Variants in SLC26A3 observed in about 807,000 individuals in gnomAD.
The protein encoded by SLC26A3 is solute carrier family 26 member 3.
A neutral mutation model predicts 85.6 loss-of-function variants in SLC26A3; 64 were observed. The observed-to-expected ratio is 0.75, with a 90% CI of 0.61 to 0.92. SLC26A3 has a LOEUF of 0.92. Ranked by LOEUF, SLC26A3 falls within the 40% of genes least tolerant of loss-of-function variation. SLC26A3 has a pLI of 0.00. For synonymous variants in SLC26A3, 349 were observed against 336.0 expected (o/e 1.04, Z -0.42); for missense variants, 922 against 927.3 (o/e 0.99, Z 0.07).
intron 1 of SLC26A3, among the ~76,000 whole-genome samples, chr7:107,798,978 G>C (rs1386886611): frequency 6.6e-6 from 1 of 152,174 alleles, no homozygotes; most frequent in East Asian, 1.9e-4. Context: ...AGCACCTTCA[G>C]AGGGATCTCC....
intron 1 of SLC26A3, among the ~76,000 whole-genome samples, chr7:107,802,597 G>T (rs1437738938): frequency 6.6e-6 from 1 of 151,824 alleles, no homozygotes. Flanking sequence ...CAAACTCTTG[G>T]GCTAAGCTAT....
chr7:107,798,177 GACATTCATAT>G (rs2115903164), intron 1 of SLC26A3, among the ~76,000 whole-genome samples: 1 of 151,226 alleles, frequency 6.6e-6, no homozygotes, highest in Non-Finnish European at 1.5e-5. Flanking sequence ...CACACATGAA[GACATTCATAT>G]ACCTACATAT....
At position 107,786,836 on chromosome 7, in the gene SLC26A3, A is replaced by G. The variant is rs1389726896; in HGVS notation, c.962T>C (p.Met321Thr). 1.2e-6 allele frequency: 2 copies of G among 1,613,458 alleles called. No individual in the cohort carries two copies. The highest frequency in any genetic ancestry group is 1.7e-6 in the Non-Finnish European group (2 of 1,179,548). ...NRFKVAVVGD[M>T]NPGFQPPITP... is the part of the protein sequence containing the mutation. ...TCGAAGACACACTTACCCAGGATTCATGTCCCCAACCACAGCCACTTTAAA... is the reference window on the plus strand; with the variant it reads ...TCGAAGACACACTTACCCAGGATTCGTGTCCCCAACCACAGCCACTTTAAA... Residue 321 changes from methionine to threonine, a missense_variant, in exon 8 of 21, where the codon ATG becomes ACG. Coordinates refer to ENST00000340010, the MANE Select transcript of SLC26A3 (RefSeq NM_000111.3).
intron 6 of SLC26A3, among the ~76,000 whole-genome samples, chr7:107,787,766 CTT>C (rs1584409381): frequency 6.6e-6 from 1 of 152,152 alleles, no homozygotes; most frequent in East Asian, 1.9e-4. Context: ...CTGGGAATCT[CTT>C]TGGCTAGTGT....
At chr7:107,797,860 A>G (rs10248785) in intron 1 of SLC26A3, among the ~76,000 whole-genome samples, 60,211 of 151,130 alleles carry the variant, frequency 0.4, 12,344 homozygotes, top group African/African-American at 0.45. Context: ...TCACCTGAAC[A>G]AGTTACATTT....
At chr7:107,776,875 T>A in intron 13 of SLC26A3, 169 bp from the exon 14 acceptor site, 1 of 681,924 alleles carries the variant, frequency 1.5e-6, no homozygotes, top group South Asian at 1.6e-5. Context: ...TTGTTTTACT[T>A]ATCTTTGTGT....
intron 11 of SLC26A3, among the ~76,000 whole-genome samples, chr7:107,781,805 G>C (rs563003721): frequency 6.6e-6 from 1 of 152,198 alleles, no homozygotes; most frequent in South Asian, 2.1e-4. Flanking sequence ...AAAAGGCCTA[G>C]GTAACAGCCA....
intron 1 of SLC26A3, among the ~76,000 whole-genome samples, chr7:107,797,500 T>TAGA (rs1562883163): frequency 6.6e-6 from 1 of 150,652 alleles, no homozygotes; most frequent in Non-Finnish European, 1.5e-5. Flanking sequence ...TCTCAAAAAA[T>TAGA]AAAGAAAAGA....
intron 8 of SLC26A3, 116 bp downstream of exon 8, chr7:107,786,711 G>A (rs1464675081): frequency 1.2e-6 from 1 of 863,712 alleles, no homozygotes; most frequent in African/African-American, 1.6e-5. Flanking sequence ...GGTGCAGGGA[G>A]GATTCTGATG....
rs76468321 is a variant in SLC26A3 at position 107,786,682 on chromosome 7, G to A, written c.971+145C>T. On this transcript the variant is annotated intron_variant, in intron 8 of 20. Transcript: ENST00000340010. ...CACCTTCCTAGAAGGAAAGCAGTGA[G>A]CCTTCCTTAGGGATGCAGGGTGCAG... The A allele has an allele frequency of 0.015, 11,408 of 773,360 alleles. 105 individuals are homozygous for A. Among genetic ancestry groups the A allele is most frequent in the Non-Finnish European group, 0.019 (8,351 of 430,042 alleles). 47.9% of individuals were successfully genotyped at this position (773,360 alleles called of 1,614,324 possible).
intron 6 of SLC26A3, among the ~76,000 whole-genome samples, chr7:107,789,039 C>G (rs1429085999): frequency 6.6e-6 from 1 of 151,674 alleles, no homozygotes; most frequent in Non-Finnish European, 1.5e-5. Context: ...ATCCTCCTAC[C>G]TCAGGCTCCC....
chr7:107,785,006 T>C (rs917057523), intron 8 of SLC26A3, among the ~76,000 whole-genome samples: 1 of 152,164 alleles, frequency 6.6e-6, no homozygotes, highest in East Asian at 1.9e-4. Context: ...CTTCCAGTTA[T>C]AGTCTATTTG....
intron 1 of SLC26A3, among the ~76,000 whole-genome samples, chr7:107,795,326 T>C (rs1272496528): frequency 6.6e-6 from 1 of 152,182 alleles, no homozygotes; most frequent in Non-Finnish European, 1.5e-5. Flanking sequence ...CAACACACTA[T>C]AGGCATTTAC....
chr7:107,792,489 G>A (rs941792904), intron 3 of SLC26A3, among the ~76,000 whole-genome samples: 1 of 151,920 alleles, frequency 6.6e-6, no homozygotes, highest in Non-Finnish European at 1.5e-5. Flanking sequence ...GATCCCTTGC[G>A]TGCACAGTTC....
At chr7:107,766,907 G>A (rs1584398607) in intron 20 of SLC26A3, among the ~76,000 whole-genome samples, 1 of 151,302 alleles carries the variant, frequency 6.6e-6, no homozygotes, top group East Asian at 1.9e-4. Context: ...GGAAAATGAA[G>A]ATATCTTCTT....
At chr7:107,773,477 C>G (rs1584402114) in intron 17 of SLC26A3, among the ~76,000 whole-genome samples, 1 of 152,212 alleles carries the variant, frequency 6.6e-6, no homozygotes, top group African/African-American at 2.4e-5. Flanking sequence ...ACCTTTCCCT[C>G]CATGGAATAC....
chr7:107,797,739 C>CATTTTTTTTTT (rs781396459), intron 1 of SLC26A3, among the ~76,000 whole-genome samples: 3 of 70,536 alleles, frequency 4.3e-5, no homozygotes, highest in African/African-American at 1.7e-4. Context: ...TTGAGCAGGA[C>CATTTTTTTTTT]CTTTTTTTTT....
chr7:107,790,404 C>T (rs796453109), intron 5 of SLC26A3, among the ~76,000 whole-genome samples: 6 of 152,190 alleles, frequency 3.9e-5, no homozygotes, highest in Admixed American at 6.5e-5. Flanking sequence ...GTCAATAAGA[C>T]GCATGCTTAT....
rs1302520782 is a variant in SLC26A3, at chr7:107,776,656, T to C, written c.1565A>G (p.Asn522Ser). The C allele has an allele frequency of 6.2e-7, 1 of 1,613,900 alleles. No homozygotes were observed. The highest frequency in any genetic ancestry group is 8.5e-7 in the Non-Finnish European group (1 of 1,179,824). Residue 522 changes from asparagine to serine, a missense_variant, in exon 14 of 21, where the codon AAT (asparagine) becomes AGT (serine). By Grantham distance (46) the Asn-to-Ser change is conservative. Transcript: ENST00000340010. ...ANIGRTNIYKNKKDYYDMYEP... is the reference protein window; with the variant it reads ...ANIGRTNIYKSKKDYYDMYEP... ...CCTTACATCATAATAATCTTTTTTA[T>C]TCTTATAGATGTTGGTTCTTCCAAT... is the stretch of plus-strand genomic sequence containing the variant.
Sources: allele counts gnomAD v4.1 joint callset (sites outside exome capture counted in the v4.1 genomes callset), GRCh38; gene constraint gnomAD v4.1.1; transcripts MANE v1.5; gene names NCBI Gene and HGNC (gene_info 2026-07-23, HGNC 2026-07-21).